Variants in EXOC3L2 observed in about 807,000 individuals in gnomAD.
EXOC3L2 encodes the protein exocyst complex component 3-like protein 2.
EXOC3L2 carries 17 observed loss-of-function variants against 44.4 expected under a neutral mutation model. The ratio of observed to expected loss-of-function variants is 0.38; its 90% CI spans 0.26 to 0.57. EXOC3L2 has a LOEUF of 0.57. EXOC3L2 is among the 20% of genes least tolerant of loss of function. The pLI is 0.65. For synonymous variants in EXOC3L2, 256 were observed against 253.7 expected (o/e 1.01, Z -0.09); for missense variants, 541 against 588.4 (o/e 0.92, Z 0.83).
chr19:45,222,927 A>G (rs1384009060), intron 8 of EXOC3L2, among the ~76,000 whole-genome samples: 2 of 152,142 alleles, frequency 1.3e-5, no homozygotes, highest in Non-Finnish European at 2.9e-5. Context: ...GAGTCCTGAG[A>G]ATGTGTTTGC....
intron 8 of EXOC3L2, among the ~76,000 whole-genome samples, chr19:45,224,287 T>C (rs1300603455): frequency 6.6e-6 from 1 of 152,004 alleles, no homozygotes; most frequent in Non-Finnish European, 1.5e-5. Flanking sequence ...TTGCTCTGCG[T>C]GAGCTGGGAG....
Position 45,228,327 on chromosome 19 carries a change from ATC to A in EXOC3L2, c.1270-63_1270-62del, listed in dbSNP as rs1969990238. On this transcript the variant is annotated intron_variant, in intron 4 of 11. Coordinates refer to ENST00000413988, the MANE Select transcript of EXOC3L2 (RefSeq NM_001382422.1). ...GGGCGGCCTGGAGGTCTTTTTTTTT[ATC>A]TCTTTCTCCCACCACAATCCCCTAG... The A allele has an allele frequency of 7.8e-6, 11 of 1,410,436 alleles. No homozygotes were observed. The East Asian group carries it at 2.3e-4, about 29-fold the overall frequency. 87.4% of individuals were successfully genotyped at this position (1,410,436 alleles called of 1,614,324 possible). A position where few individuals can be genotyped will look rare whatever the true frequency, so the allele number is the denominator to read the frequency against.
rs1599764883 is a variant in EXOC3L2 at position 45,228,046 on chromosome 19, G to T, written c.1400C>A (p.Pro467His). ...CTCCCCAAACTCCTGGCTGATGCGG[G>T]GTGCTCGCTCTGTGTGCTCTTCCAG... ...ELLEEHTERA[P>H]RISQEFGERM... is the part of the protein sequence containing the mutation. The change falls in exon 6 of 12, where the codon CCC (proline) becomes CAC (histidine). Residue 467 changes from proline to histidine, a missense_variant. Coordinates refer to ENST00000413988, the MANE Select transcript of EXOC3L2 (RefSeq NM_001382422.1). The T allele has an allele frequency of 1.9e-6, 3 of 1,614,088 alleles. No homozygotes were observed. The highest frequency in any genetic ancestry group is 2.5e-6 in the Non-Finnish European group (3 of 1,180,022).
At position 45,243,389 on chromosome 19, in the gene EXOC3L2, G is replaced by C. The variant is rs551177153; in HGVS notation, c.-17+1952C>G. On this transcript the variant is annotated intron_variant, in intron 1 of 11. Transcript: ENST00000413988. The stretch of plus-strand genomic sequence containing the variant: ...AAGGCCTGGGTTGCCTAGGTTATGA[G>C]TAAGAGCACCCCTTTCCATGATGGG... Among the ~76,000 whole-genome samples, 151 of 152,240 alleles carry C rather than the reference G, an allele frequency of 9.9e-4. 2 individuals are homozygous for C. The highest frequency in any genetic ancestry group is 1.3e-3 in the Non-Finnish European group (88 of 68,012).
chr19:45,216,849 T>G (rs1969840588), intron 10 of EXOC3L2: 1 of 152,064 alleles, frequency 6.6e-6, no homozygotes, highest in Non-Finnish European at 1.5e-5. Context: ...AAGAAAACAT[T>G]CCAAGGACTC....
chr19:45,237,966 A>C (rs1274662064), intron 2 of EXOC3L2, among the ~76,000 whole-genome samples: 1 of 152,054 alleles, frequency 6.6e-6, no homozygotes, highest in Non-Finnish European at 1.5e-5. Flanking sequence ...CAACATGATG[A>C]AACCTTACCT....
chr19:45,233,293 G>A (rs1322041718), intron 3 of EXOC3L2, among the ~76,000 whole-genome samples: 1 of 152,160 alleles, frequency 6.6e-6, no homozygotes, highest in Non-Finnish European at 1.5e-5. Context: ...GACCAAAAGA[G>A]GGAATGAGGC....
intron 1 of EXOC3L2, 53 bp from the exon 2 acceptor site, chr19:45,239,114 A>C: frequency 2.5e-6 from 1 of 394,936 alleles, no homozygotes. Context: ...GGTGGTATGG[A>C]TGACGGTGCC....
At chr19:45,227,917 C>G in intron 6 of EXOC3L2, 57 bp downstream of exon 6, 2 of 1,569,106 alleles carry the variant, frequency 1.3e-6, no homozygotes, top group Non-Finnish European at 1.7e-6. Flanking sequence ...CTATTGGATC[C>G]CAGGCCCTGA....
intron 1 of EXOC3L2, among the ~76,000 whole-genome samples, chr19:45,242,349 T>C (rs74444983): frequency 0.22 from 33,054 of 152,014 alleles, 3,956 homozygotes; most frequent in South Asian, 0.29. Context: ...GCTGCAGCCT[T>C]GAACTCCTGG....
chr19:45,230,063 C>A (rs1433023567), intron 4 of EXOC3L2, among the ~76,000 whole-genome samples: 4 of 151,794 alleles, frequency 2.6e-5, no homozygotes, highest in Non-Finnish European at 5.9e-5. Flanking sequence ...CTTGCTCTGT[C>A]CCCCAGGCTG....
chr19:45,237,123 T>C (rs1442725810), intron 2 of EXOC3L2, among the ~76,000 whole-genome samples: 2 of 148,730 alleles, frequency 1.3e-5, no homozygotes, highest in Admixed American at 1.3e-4. Flanking sequence ...GGGTGGAAGG[T>C]GAACATGGGG....
intron 4 of EXOC3L2, 76 bp from the exon 5 acceptor site, chr19:45,228,342 C>G (rs1969990416): frequency 7.8e-7 from 1 of 1,275,732 alleles, no homozygotes; most frequent in Non-Finnish European, 1.1e-6. Flanking sequence ...TTTCTCCCAC[C>G]ACAATCCCCT....
intron 8 of EXOC3L2, among the ~76,000 whole-genome samples, chr19:45,221,504 A>G (rs1969897922): frequency 6.6e-6 from 1 of 151,598 alleles, no homozygotes; most frequent in South Asian, 2.1e-4. Flanking sequence ...ACGTGCCACC[A>G]TGCCCGGCTA....
At chr19:45,223,909 G>A (rs111462669) in intron 8 of EXOC3L2, among the ~76,000 whole-genome samples, 13,255 of 151,928 alleles carry the variant, frequency 0.087, 783 homozygotes, top group African/African-American at 0.16. Flanking sequence ...CAGGAAAATC[G>A]CTTGAACCTG....
intron 1 of EXOC3L2, among the ~76,000 whole-genome samples, chr19:45,243,418 G>A (rs1275091427): frequency 6.6e-6 from 1 of 152,010 alleles, no homozygotes. Context: ...TGATGGGGAG[G>A]CCCCTTCTTT....
chr19:45,231,927 T>G, intron 3 of EXOC3L2, 53 bp from the exon 4 acceptor site: 2 of 1,270,102 alleles, frequency 1.6e-6, no homozygotes. Context: ...GGCTGGGCAG[T>G]TGGAACCTTC....
At chr19:45,231,922 G>T in intron 3 of EXOC3L2, 48 bp from the exon 4 acceptor site, 1 of 1,371,250 alleles carries the variant, frequency 7.3e-7, no homozygotes. Context: ...AGTGGGGCTG[G>T]GCAGTTGGAA....
intron 4 of EXOC3L2, among the ~76,000 whole-genome samples, chr19:45,231,228 C>T (rs1351227968): frequency 1.3e-5 from 2 of 152,194 alleles, no homozygotes; most frequent in Non-Finnish European, 1.5e-5. Flanking sequence ...GCAAACATCA[C>T]TGTAGCCGGG....
Sources: gnomAD v4.1 joint callset for allele counts (sites outside exome capture counted in the v4.1 genomes callset) on GRCh38, gnomAD v4.1.1 for gene constraint, MANE v1.5 for transcripts, NCBI Gene and HGNC (gene_info 2026-07-23, HGNC 2026-07-21) for gene names.